Variants in EYS observed in about 807,000 individuals in gnomAD.
EYS encodes the protein EGF-like photoreceptor maintenance factor.
Under a neutral mutation model 282.1 loss-of-function variants are expected in EYS, and 250 were observed. The observed-to-expected ratio is 0.89, with a 90% CI of 0.80 to 0.98. EYS has a LOEUF of 0.98. EYS is among the 50% of genes least tolerant of loss of function. The pLI, the probability that EYS is intolerant of heterozygous loss-of-function variation, is 0.00. For missense variants in EYS, 4,016 were observed against 3,709.0 expected, an observed-to-expected ratio of 1.08 and a Z score of -2.15; for synonymous variants, 1,355 against 1,282.9, an observed-to-expected ratio of 1.06 and a Z score of -1.20.
intron 35 of EYS, among the ~76,000 whole-genome samples, chr6:63,969,839 G>GTC (rs1299418436): frequency 3.9e-5 from 6 of 151,988 alleles, no homozygotes; most frequent in Non-Finnish European, 8.8e-5. Context: ...CTCTGTTGTA[G>GTC]TCTCTCTCTC....
At chr6:64,540,679 T>C (rs1764673800) in intron 26 of EYS, among the ~76,000 whole-genome samples, 2 of 152,008 alleles carry the variant, frequency 1.3e-5, no homozygotes, top group African/African-American at 2.4e-5. Context: ...ATACGGGGTT[T>C]TGCCATGTTG....
intron 33 of EYS, among the ~76,000 whole-genome samples, chr6:64,059,302 G>A (rs1441110398): frequency 7.9e-5 from 12 of 152,120 alleles, no homozygotes; most frequent in Admixed American, 7.9e-4. Flanking sequence ...TTGGTAAGAT[G>A]AGGATTTGGG....
At position 65,649,014 on chromosome 6, in the gene EYS, C is replaced by T. The variant is rs1012230210; in HGVS notation, c.-447-9122G>A. On this transcript the variant is annotated intron_variant, in intron 1 of 42. Coordinates refer to ENST00000503581, the MANE Select transcript of EYS (RefSeq NM_001142800.2). ...ACAAAAAATTAGCTGGGCATGGTGG[C>T]ACACACCTGTAGTCTCAGCTACTCG... Among the ~76,000 whole-genome samples the T allele has an allele frequency of 8.6e-5, 13 of 151,380 alleles. No homozygotes were observed. In the East Asian group the frequency reaches 2.2e-3, roughly 25 times the overall value.
intron 12 of EYS, among the ~76,000 whole-genome samples, chr6:65,127,269 C>A (rs1437574961): frequency 1.3e-5 from 2 of 151,892 alleles, no homozygotes; most frequent in African/African-American, 4.8e-5. Flanking sequence ...TCCCTTACAC[C>A]TAGTAGGGAA....
intron 2 of EYS, among the ~76,000 whole-genome samples, chr6:65,575,309 A>G (rs1764621995): frequency 7.4e-6 from 1 of 135,746 alleles, no homozygotes; most frequent in African/African-American, 2.7e-5. Context: ...CCTGGGTGAC[A>G]GAGTGGGACT....
chr6:64,246,227 AT>A (rs1767017070), intron 30 of EYS, among the ~76,000 whole-genome samples: 1 of 137,804 alleles, frequency 7.3e-6, no homozygotes, highest in Admixed American at 7.3e-5. Context: ...TTTCTGTTTT[AT>A]CGGCTGTAAG....
chr6:65,234,360 C>G (rs1766867308), intron 12 of EYS, among the ~76,000 whole-genome samples: 1 of 152,148 alleles, frequency 6.6e-6, no homozygotes, highest in South Asian at 2.1e-4. Context: ...GGAACTCCTA[C>G]ATTACCAGGG....
intron 37 of EYS, among the ~76,000 whole-genome samples, chr6:63,792,029 A>G (rs1770530941): frequency 6.6e-6 from 1 of 151,966 alleles, no homozygotes; most frequent in South Asian, 2.1e-4. Flanking sequence ...AGGAAGAGAG[A>G]GAAGGTGGTT....
chr6:65,657,502 A>C (rs989273092), intron 1 of EYS, among the ~76,000 whole-genome samples: 1 of 151,872 alleles, frequency 6.6e-6, no homozygotes, highest in Non-Finnish European at 1.5e-5. Flanking sequence ...GGAGGGAGTA[A>C]CTGCAGATGT....
intron 35 of EYS, 92 bp downstream of exon 35, chr6:63,984,291 T>G: frequency 1.2e-6 from 1 of 844,322 alleles, no homozygotes; most frequent in Non-Finnish European, 1.9e-6. Flanking sequence ...CTTGTCATTT[T>G]CGTCTCTCAG....
At chr6:64,749,365 A>G (rs1320462401) in intron 22 of EYS, among the ~76,000 whole-genome samples, 1 of 152,224 alleles carries the variant, frequency 6.6e-6, no homozygotes, top group African/African-American at 2.4e-5. Context: ...TTAAAAGCCT[A>G]TGCCTTCTAA....
intron 5 of EYS, among the ~76,000 whole-genome samples, chr6:65,410,498 C>A (rs1046167766): frequency 6.6e-6 from 1 of 151,934 alleles, no homozygotes; most frequent in African/African-American, 2.4e-5. Context: ...TTCTTCTTAT[C>A]TCATTGTACT....
chr6:65,563,658 T>A (rs1263215893), intron 2 of EYS, among the ~76,000 whole-genome samples: 1 of 152,124 alleles, frequency 6.6e-6, no homozygotes, highest in Non-Finnish European at 1.5e-5. Context: ...TTTAGTTAAC[T>A]AATGCATGGC....
intron 26 of EYS, among the ~76,000 whole-genome samples, chr6:64,538,735 A>G (rs1447064123): frequency 6.6e-6 from 1 of 152,214 alleles, no homozygotes; most frequent in East Asian, 1.9e-4. Flanking sequence ...ACTATCATAA[A>G]AAAATCTATA....
At chr6:65,350,788 T>C (rs1196630860) in intron 9 of EYS, among the ~76,000 whole-genome samples, 1 of 151,700 alleles carries the variant, frequency 6.6e-6, no homozygotes, top group African/African-American at 2.4e-5. Context: ...CGACCAATTG[T>C]CCTTGAAGGG....
At chr6:65,252,008 T>A (rs1767338277) in intron 12 of EYS, among the ~76,000 whole-genome samples, 2 of 152,018 alleles carry the variant, frequency 1.3e-5, no homozygotes, top group African/African-American at 2.4e-5. Flanking sequence ...GAACTTTCCT[T>A]TCTGTTTGCT....
intron 12 of EYS, among the ~76,000 whole-genome samples, chr6:65,190,039 G>A (rs1765604112): frequency 1.3e-5 from 2 of 151,410 alleles, no homozygotes; most frequent in Non-Finnish European, 1.5e-5. Context: ...ATTCCCTAGT[G>A]TTTGCAAGAA....
intron 5 of EYS, among the ~76,000 whole-genome samples, chr6:65,468,966 C>G (rs1033889446): frequency 3.3e-5 from 5 of 151,972 alleles, no homozygotes; most frequent in Non-Finnish European, 5.9e-5. Flanking sequence ...AAATACTTTT[C>G]TTTACTTCTT....
At chr6:65,650,291 A>T (rs1767607167) in intron 1 of EYS, among the ~76,000 whole-genome samples, 1 of 152,192 alleles carries the variant, frequency 6.6e-6, no homozygotes, top group Non-Finnish European at 1.5e-5. Flanking sequence ...AGCTCTTCCA[A>T]CTCAACACAC....
Sources: allele counts gnomAD v4.1 joint callset (sites outside exome capture counted in the v4.1 genomes callset), GRCh38; gene constraint gnomAD v4.1.1; transcripts MANE v1.5; gene names NCBI Gene and HGNC (gene_info 2026-07-23, HGNC 2026-07-21).